The following NSD2 variants were observed in gnomAD, a reference collection of about 807,000 sequenced individuals.
The protein encoded by NSD2 is nuclear receptor binding SET domain protein 2.
Under a neutral mutation model 139.0 loss-of-function variants are expected in NSD2, and 12 were observed. That is an observed-to-expected ratio of 0.09 (90% CI 0.06 to 0.14). The LOEUF (loss-of-function observed/expected upper bound fraction) is 0.14. Ranked by LOEUF, NSD2 falls within the 10% of genes least tolerant of loss-of-function variation. The pLI is 1.00. For missense variants in NSD2, 1,155 were observed against 1,745.0 expected, an observed-to-expected ratio of 0.66 and a Z score of 6.02; for synonymous variants, 669 against 648.7, an observed-to-expected ratio of 1.03 and a Z score of -0.48.
intron 7 of NSD2, among the ~76,000 whole-genome samples, chr4:1,936,179 A>C (rs1167399697): frequency 2.6e-5 from 4 of 152,202 alleles, no homozygotes; most frequent in Non-Finnish European, 4.4e-5. Context: ...TGGTACCTGC[A>C]GGGGAGTGAA....
chr4:1,944,508 C>T (rs1257423723), intron 9 of NSD2: 4 of 1,065,464 alleles, frequency 3.8e-6, no homozygotes, highest in Admixed American at 5.4e-5. Flanking sequence ...GACCATCTTC[C>T]ACACACTATG....
rs1286249935 is a variant in NSD2, at chr4:1,948,360, G to T, written c.1882-2712G>T. The T allele has an allele frequency of 9.4e-7, 1 of 1,066,120 alleles. No homozygotes were observed. The highest frequency in any genetic ancestry group is 1.1e-6 in the Non-Finnish European group (1 of 878,892). The allele number at this position is 1,066,120 out of a possible 1,614,324, so 66.0% of individuals were successfully genotyped here. ...TTTGGGACTATGTTGGGACCGTACA[G>T]GTGAATGTGCCACCTCCACAAATGG... On this transcript the variant is annotated intron_variant, in intron 9 of 21. Transcript: ENST00000508803. This position sits in a 1 kb window ranked among gnomAD's most constrained non-coding sequence, Gnocchi z 4.5.
At chr4:1,872,244 G>C (rs1358637113) in intron 1 of NSD2, among the ~76,000 whole-genome samples, 1 of 152,118 alleles carries the variant, frequency 6.6e-6, no homozygotes, top group African/African-American at 2.4e-5. Context: ...GCGCGCCCTC[G>C]GCGTCCGGGC....
intron 1 of NSD2, among the ~76,000 whole-genome samples, chr4:1,876,233 CAG>C (rs930564741): frequency 6.6e-6 from 1 of 151,854 alleles, no homozygotes; most frequent in African/African-American, 2.4e-5. Context: ...AAAACCAAGA[CAG>C]ATTTCAAATT....
chr4:1,931,321 T>G (rs1470072105), intron 6 of NSD2, among the ~76,000 whole-genome samples: 1 of 152,156 alleles, frequency 6.6e-6, no homozygotes, highest in African/African-American at 2.4e-5. Context: ...TATCCTTTGG[T>G]CCTTCCTAGG....
chr4:1,876,480 T>C (rs1450023132), intron 1 of NSD2, among the ~76,000 whole-genome samples: 1 of 152,062 alleles, frequency 6.6e-6, no homozygotes, highest in Non-Finnish European at 1.5e-5. Context: ...CACTTGAGAC[T>C]AGGAGTTTGA....
intron 9 of NSD2, chr4:1,945,089 G>C: frequency 9.4e-7 from 1 of 1,066,524 alleles, no homozygotes; most frequent in East Asian, 5.0e-5. Context: ...TCTTGAGTGG[G>C]TGGAGTGGTG....
At chr4:1,907,869 C>T (rs1222467106) in intron 3 of NSD2, among the ~76,000 whole-genome samples, 2 of 152,116 alleles carry the variant, frequency 1.3e-5, no homozygotes, top group East Asian at 3.9e-4. Context: ...CCTTGGCCTC[C>T]CAATGGGATT....
In NSD2 at chr4:1,918,566, C is replaced by A. The variant is rs1560642864; in HGVS notation, c.1353C>A (p.Ser451Arg). The A allele has an allele frequency of 6.2e-7, 1 of 1,613,932 alleles. No homozygotes were observed. The highest frequency in any genetic ancestry group is 1.7e-5 in the Admixed American group (1 of 59,984). Reference sequence around the variant, plus strand: ...AGACCACAGTCTCCATGCCACGAAGCAGGAAGGGAGATGCAGCATCCCAGT... The same window carrying A: ...AGACCACAGTCTCCATGCCACGAAGAAGGAAGGGAGATGCAGCATCCCAGT... Reference protein sequence around the residue: ...RKKTTVSMPRSRKGDAASQFL... With the variant: ...RKKTTVSMPRRRKGDAASQFL... The change falls in exon 5 of 22, where the codon AGC (serine) becomes AGA (arginine). Residue 451 changes from serine to arginine, a missense_variant. Coordinates refer to ENST00000508803, the MANE Select transcript of NSD2 (RefSeq NM_001042424.3).
Position 1,979,526 on chromosome 4 carries a change from GTGT to G in NSD2, c.*621_*623del, listed in dbSNP as rs1436450245. The G allele has an allele frequency of 1.3e-5, 3 of 233,014 alleles. No individual in the cohort carries two copies. The highest frequency in any genetic ancestry group is 2.2e-5 in the African/African-American group (1 of 45,338). 14.4% of individuals were successfully genotyped at this position (233,014 alleles called of 1,614,324 possible). A position where few individuals can be genotyped will look rare whatever the true frequency, so the allele number is the denominator to read the frequency against. ...GGCCCTGCAGGTGGTGGCAGCAATG[GTGT>G]TGTAAGATTTCCTCCCGTAGTTTTT... On this transcript the variant is annotated 3_prime_UTR_variant, in exon 22 of 22. Transcript: ENST00000508803.
chr4:1,943,705 CAA>C (rs1723333248), intron 9 of NSD2: 5 of 1,050,668 alleles, frequency 4.8e-6, no homozygotes, highest in South Asian at 9.2e-5. Flanking sequence ...TGAAAAAGCT[CAA>C]GAGTAAAATT....
At chr4:1,872,682 C>T (rs1036770359) in intron 1 of NSD2, among the ~76,000 whole-genome samples, 1 of 146,678 alleles carries the variant, frequency 6.8e-6, no homozygotes. Context: ...AAGTTCAGGC[C>T]TGGCTCAGGA....
At chr4:1,874,984 A>G (rs1714141543) in intron 1 of NSD2, among the ~76,000 whole-genome samples, 2 of 152,096 alleles carry the variant, frequency 1.3e-5, no homozygotes, top group African/African-American at 4.8e-5. Flanking sequence ...TTCTTTTGAG[A>G]TAGGGTCTCA....
chr4:1,903,976 C>T lies in NSD2; in HGVS notation c.598-240C>T, dbSNP rs577833141. 1.2e-3 allele frequency among the ~76,000 whole-genome samples: 187 copies of T among 152,262 alleles called. 1 individual carries two copies. The highest frequency in any genetic ancestry group is 4.2e-3 in the African/African-American group (173 of 41,544). On this transcript the variant is annotated intron_variant, in intron 2 of 21. Coordinates refer to ENST00000508803, the MANE Select transcript of NSD2 (RefSeq NM_001042424.3). ...GTCTTGATCTCCTGAACTCGTGATC[C>T]GCCCACGTTGGCCTCCCAAAGTGCT...
intron 9 of NSD2, chr4:1,944,984 C>G (rs1723469850): frequency 9.4e-7 from 1 of 1,064,654 alleles, no homozygotes; most frequent in Non-Finnish European, 1.1e-6. Context: ...GGTTTCATGA[C>G]ACAACCTTTC....
chr4:1,916,740 G>A (rs1247553950), intron 3 of NSD2, 131 bp from the exon 4 acceptor site: 1 of 774,004 alleles, frequency 1.3e-6, no homozygotes, highest in East Asian at 2.7e-5. Context: ...GGGATAAGAA[G>A]TATAGAATTT....
Position 1,979,709 on chromosome 4 carries a change from CTT to C in NSD2, c.*802_*803del, listed in dbSNP as rs1210817765. ...GTTCTTATCAACATTTGGGGGATAA[CTT>C]TGTATATTTTTTTCATTTGGCTTTT... On this transcript the variant is annotated 3_prime_UTR_variant, in exon 22 of 22. Transcript: ENST00000508803. 2 of 232,062 alleles carry C rather than the reference CTT, an allele frequency of 8.6e-6. No homozygotes were observed. Among genetic ancestry groups the C allele is most frequent in the Non-Finnish European group, 1.7e-5 (2 of 117,368 alleles). 14.4% of individuals were successfully genotyped at this position (232,062 alleles called of 1,614,324 possible).
chr4:1,921,650 C>T (rs934370251), intron 5 of NSD2, among the ~76,000 whole-genome samples: 11 of 150,988 alleles, frequency 7.3e-5, no homozygotes, highest in African/African-American at 2.2e-4. Context: ...GCTGTGGTGG[C>T]GAGCGCCTGT....
intron 19 of NSD2, 36 bp downstream of exon 19, chr4:1,975,040 C>CTATG: frequency 6.2e-7 from 1 of 1,613,092 alleles, no homozygotes; most frequent in Middle Eastern, 1.7e-4. Context: ...GGGCTCCTGG[C>CTATG]TATGGGGGCA....
Sources: allele counts gnomAD v4.1 joint callset (sites outside exome capture counted in the v4.1 genomes callset), GRCh38; gene constraint gnomAD v4.1.1; non-coding constraint Gnocchi (gnomAD v3.1); transcripts MANE v1.5; gene names NCBI Gene and HGNC (gene_info 2026-07-23, HGNC 2026-07-21).